Variants in CSNK1G3 observed in about 807,000 individuals in gnomAD.
CSNK1G3 encodes the protein casein kinase 1 gamma 3.
Under a neutral mutation model 64.3 loss-of-function variants are expected in CSNK1G3, and 23 were observed. The observed-to-expected ratio is 0.36, with a 90% CI of 0.26 to 0.51. The LOEUF (loss-of-function observed/expected upper bound fraction) is 0.51, where lower values mean the gene tolerates loss of function less well. CSNK1G3 is among the 20% of genes least tolerant of loss of function. The pLI, the probability that CSNK1G3 is intolerant of heterozygous loss-of-function variation, is 0.96. For missense variants in CSNK1G3, 357 were observed against 510.5 expected (o/e 0.70, Z 2.90); for synonymous variants, 158 against 162.2 (o/e 0.97, Z 0.20).
chr5:123,562,237 C>T (rs1212630474), intron 4 of CSNK1G3, among the ~76,000 whole-genome samples: 1 of 152,062 alleles, frequency 6.6e-6, no homozygotes, highest in Admixed American at 6.6e-5. Flanking sequence ...ACATCTTTTC[C>T]TCTCCAGAAA....
In CSNK1G3 at chr5:123,557,487, T is replaced by G. The variant is rs766055555; in HGVS notation, c.220-8T>G. 66 of 1,601,276 alleles carry G rather than the reference T, an allele frequency of 4.1e-5. No homozygotes were observed. Among genetic ancestry groups the G allele is most frequent in the Non-Finnish European group, 5.0e-5 (59 of 1,173,532 alleles). Reference sequence around the variant, plus strand: ...TTAAATGTCTTTTTTTGTTTGTTTTTCAATTAGGAGCCCATGAAATCAAGA... The same window carrying G: ...TTAAATGTCTTTTTTTGTTTGTTTTGCAATTAGGAGCCCATGAAATCAAGA... On this transcript the variant is annotated splice_region_variant and splice_polypyrimidine_tract_variant and intron_variant, in intron 3 of 12. Transcript: ENST00000345990.
intron 10 of CSNK1G3, among the ~76,000 whole-genome samples, chr5:123,592,663 AAAAG>A (rs1231046668): frequency 6.6e-6 from 1 of 151,936 alleles, no homozygotes; most frequent in East Asian, 1.9e-4. Flanking sequence ...GATGACAATC[AAAAG>A]AAAGAACACC....
At position 123,544,148 on chromosome 5, in the gene CSNK1G3, T is replaced by C. The variant is rs551178955; in HGVS notation, c.-247-1269T>C. Among the ~76,000 whole-genome samples, 24 of 152,264 alleles carry C rather than the reference T, an allele frequency of 1.6e-4. No homozygotes were observed. In the East Asian group the frequency reaches 4.6e-3, roughly 29 times the overall value. ...AGTGCAGGTTAGCTCACTGCAACCT[T>C]GGCGTTACCAGTACTGCACATAGCC... On this transcript the variant is annotated intron_variant, in intron 1 of 12. Coordinates refer to ENST00000345990, the Ensembl canonical transcript of CSNK1G3.
chr5:123,522,857 G>C (rs1230547592), intron 1 of CSNK1G3, among the ~76,000 whole-genome samples: 1 of 152,072 alleles, frequency 6.6e-6, no homozygotes, highest in Non-Finnish European at 1.5e-5. Flanking sequence ...AGCAGTCTTT[G>C]ATTAAGTATA....
At chr5:123,556,180 A>C (rs1784591109) in intron 3 of CSNK1G3, among the ~76,000 whole-genome samples, 1 of 152,034 alleles carries the variant, frequency 6.6e-6, no homozygotes, top group African/African-American at 2.4e-5. Context: ...TAAAACTTAT[A>C]AGTTTTGCAG....
At chr5:123,587,479 A>G (rs915873654) in intron 6 of CSNK1G3, among the ~76,000 whole-genome samples, 1 of 152,356 alleles carries the variant, frequency 6.6e-6, no homozygotes, top group African/African-American at 2.4e-5. Context: ...TTGTTACAAC[A>G]ACAACTTGAA....
chr5:123,530,843 C>T (rs1030113321), intron 1 of CSNK1G3, among the ~76,000 whole-genome samples: 1 of 152,108 alleles, frequency 6.6e-6, no homozygotes, highest in Non-Finnish European at 1.5e-5. Context: ...TTTGACATTA[C>T]AGTTAATGAT....
At chr5:123,599,211 A>G (rs904477678) in intron 10 of CSNK1G3, among the ~76,000 whole-genome samples, 5 of 152,138 alleles carry the variant, frequency 3.3e-5, no homozygotes, top group African/African-American at 1.2e-4. Context: ...CTGCTGGAAA[A>G]CTATTTTACA....
At position 123,596,458 on chromosome 5, in the gene CSNK1G3, A is replaced by G. The variant is rs542764205; in HGVS notation, c.1086+5044A>G. Among the ~76,000 whole-genome samples, 6 of 152,236 alleles carry G rather than the reference A, an allele frequency of 3.9e-5. No homozygotes were observed. The South Asian group carries it at 1.2e-3, about 32-fold the overall frequency. ...GTGTGCAAGTGTTTTTGCTCAGTGT[A>G]ACAATTAAGGCACTATTAGAAAATT... is the stretch of plus-strand genomic sequence containing the variant. On this transcript the variant is annotated intron_variant, in intron 10 of 12. Coordinates refer to ENST00000345990, the Ensembl canonical transcript of CSNK1G3.
intron 10 of CSNK1G3, among the ~76,000 whole-genome samples, chr5:123,604,160 A>T (rs1199059717): frequency 6.6e-6 from 1 of 152,026 alleles, no homozygotes; most frequent in Non-Finnish European, 1.5e-5. Context: ...ATTTAACAGG[A>T]TCTGCCATTT....
In CSNK1G3 at chr5:123,600,281, A is replaced by G. The variant is rs1794220784; in HGVS notation, c.1087-4443A>G. Among the ~76,000 whole-genome samples the G allele has an allele frequency of 2.0e-5, 3 of 152,174 alleles. No homozygotes were observed. The South Asian group carries it at 6.2e-4, about 32-fold the overall frequency. Reference sequence around the variant, plus strand: ...ATTAAAATATTTGGTTAATTCATACATTGTATCAAGGTTCTACTTAGTAAT... The same window carrying G: ...ATTAAAATATTTGGTTAATTCATACGTTGTATCAAGGTTCTACTTAGTAAT... On this transcript the variant is annotated intron_variant, in intron 10 of 12. Transcript: ENST00000345990.
At chr5:123,605,852 A>G (rs1417325843) in intron 12 of CSNK1G3, among the ~76,000 whole-genome samples, 1 of 152,126 alleles carries the variant, frequency 6.6e-6, no homozygotes, top group African/African-American at 2.4e-5. Context: ...TTGTAGTGAG[A>G]AAGCCATTTT....
chr5:123,570,076 A>T (rs893560266), intron 4 of CSNK1G3, among the ~76,000 whole-genome samples: 1 of 152,178 alleles, frequency 6.6e-6, no homozygotes, highest in African/African-American at 2.4e-5. Context: ...ATGGTTTCTC[A>T]TTCACTTATG....
At chr5:123,512,272 C>G (rs952029344) in exon 1 of CSNK1G3, 2 of 152,490 alleles carry the variant, frequency 1.3e-5, no homozygotes, top group Non-Finnish European at 2.9e-5. Flanking sequence ...GCATTCATTC[C>G]GGGCTGCATC....
intron 1 of CSNK1G3, among the ~76,000 whole-genome samples, chr5:123,523,874 A>G (rs957057410): frequency 6.6e-6 from 1 of 152,158 alleles, no homozygotes; most frequent in Non-Finnish European, 1.5e-5. Flanking sequence ...GAAATAGCAA[A>G]TGTTTGATTA....
chr5:123,557,864 C>T (rs1784922146), intron 4 of CSNK1G3, among the ~76,000 whole-genome samples: 1 of 152,130 alleles, frequency 6.6e-6, no homozygotes, highest in African/African-American at 2.4e-5. Context: ...GTTGAAGTGA[C>T]TTACAATATA....
intron 3 of CSNK1G3, among the ~76,000 whole-genome samples, chr5:123,557,073 A>G (rs1006156164): frequency 7.2e-5 from 11 of 152,140 alleles, no homozygotes; most frequent in Non-Finnish European, 1.2e-4. Context: ...TGTTGCTACT[A>G]TCAAAATTTT....
At chr5:123,599,837 G>T (rs1581390771) in intron 10 of CSNK1G3, among the ~76,000 whole-genome samples, 1 of 151,818 alleles carries the variant, frequency 6.6e-6, no homozygotes, top group African/African-American at 2.4e-5. Context: ...TATCATTGGG[G>T]TAAATCAGCA....
chr5:123,588,232 T>C (rs1304605019), intron 7 of CSNK1G3, 79 bp downstream of exon 7: 11 of 1,219,844 alleles, frequency 9.0e-6, no homozygotes, highest in Non-Finnish European at 1.3e-5. Context: ...TAAACAGTTT[T>C]CATATTTTAA....
Sources: gnomAD v4.1 joint callset for allele counts (sites outside exome capture counted in the v4.1 genomes callset) on GRCh38, gnomAD v4.1.1 for gene constraint, MANE v1.5 for transcripts, NCBI Gene and HGNC (gene_info 2026-07-23, HGNC 2026-07-21) for gene names.